Variants in KIRREL3 observed in about 807,000 individuals in gnomAD.
KIRREL3 encodes kin of IRRE-like protein 3.
Under a neutral mutation model 89.7 loss-of-function variants are expected in KIRREL3, and 36 were observed. That is an observed-to-expected ratio of 0.40 (90% CI 0.31 to 0.53). KIRREL3 has a LOEUF of 0.53. Ranked by LOEUF, KIRREL3 falls within the 20% of genes least tolerant of loss-of-function variation. The pLI, the probability that KIRREL3 is intolerant of heterozygous loss-of-function variation, is 0.49. For synonymous variants in KIRREL3, 445 were observed against 441.4 expected (o/e 1.01, Z -0.10); for missense variants, 864 against 1,056.6 (o/e 0.82, Z 2.53).
chr11:126,792,416 A>G (rs1348253450), intron 1 of KIRREL3, among the ~76,000 whole-genome samples: 4 of 152,222 alleles, frequency 2.6e-5, no homozygotes, highest in Non-Finnish European at 4.4e-5. Flanking sequence ...GCCCCAAGTC[A>G]CACAACTTGC....
Position 126,830,857 on chromosome 11 carries a change from G to C in KIRREL3, c.55+169598C>G, listed in dbSNP as rs1943580803. 6.6e-6 allele frequency among the ~76,000 whole-genome samples: 1 copy of C among 152,118 alleles called. No homozygotes were observed. Among genetic ancestry groups the C allele is most frequent in the Admixed American group, 6.5e-5 (1 of 15,278 alleles). ...TTGTAACCCCTGTTCCTTTATTAGA[G>C]CAATCAGAAAAAAGATCACATAATT... On this transcript the variant is annotated intron_variant, in intron 1 of 16. Coordinates refer to ENST00000525144, the MANE Select transcript of KIRREL3 (RefSeq NM_032531.4). The surrounding 1 kb of genome is among the most constrained non-coding windows in gnomAD (Gnocchi z 4.9).
Position 126,640,700 on chromosome 11 carries a change from C to G in KIRREL3, c.56-77788G>C, listed in dbSNP as rs1323338654. ...GGGTTCTTTCTGAATCTGGAATGAA[C>G]CATGGGACCCTTGGGTTGAAGACTA... On this transcript the variant is annotated intron_variant, in intron 1 of 16. Coordinates refer to ENST00000525144, the MANE Select transcript of KIRREL3 (RefSeq NM_032531.4). The surrounding 1 kb of genome is among the most constrained non-coding windows in gnomAD (Gnocchi z 4.9). 6.6e-6 allele frequency among the ~76,000 whole-genome samples: 1 copy of G among 152,130 alleles called. No individual in the cohort carries two copies. Among genetic ancestry groups the G allele is most frequent in the Non-Finnish European group, 1.5e-5 (1 of 68,024 alleles).
chr11:126,494,025 T>C (rs561763486), intron 4 of KIRREL3, among the ~76,000 whole-genome samples: 11 of 152,232 alleles, frequency 7.2e-5, no homozygotes, highest in African/African-American at 2.6e-4. Context: ...ATAAATAATA[T>C]CTTAATGCAA....
rs1310613831 is a variant in KIRREL3 at position 126,736,778 on chromosome 11, G to C, written c.56-173866C>G. Reference sequence around the variant, plus strand: ...ATAAGAAAACCCGGGTGTGGGTAAGGTTAAAGGTCATGCTAATGTCCATGG... The same window carrying C: ...ATAAGAAAACCCGGGTGTGGGTAAGCTTAAAGGTCATGCTAATGTCCATGG... On this transcript the variant is annotated intron_variant, in intron 1 of 16. Coordinates refer to ENST00000525144, the MANE Select transcript of KIRREL3 (RefSeq NM_032531.4). This position sits in a 1 kb window ranked among gnomAD's most constrained non-coding sequence, Gnocchi z 5.0. Among the ~76,000 whole-genome samples, 1 of 152,140 alleles carries C rather than the reference G, an allele frequency of 6.6e-6. No homozygotes were observed. The highest frequency in any genetic ancestry group is 6.5e-5 in the Admixed American group (1 of 15,272).
chr11:126,436,917 G>A lies in KIRREL3; in HGVS notation c.1446C>T (p.Thr482=). ...CCCGCACGATGTTGCTGATGGTCAGGGTGGAGATGACGCCCTCCTCGGTGC... is the reference window on the plus strand; with the variant it reads ...CCCGCACGATGTTGCTGATGGTCAGAGTGGAGATGACGCCCTCCTCGGTGC... ...TISTEEGVIS[T]LTISNIVRAD... The change falls in exon 12 of 17, where the codon ACC becomes ACT. Residue 482 remains threonine, a synonymous_variant. Transcript: ENST00000525144. The A allele has an allele frequency of 6.2e-7, 1 of 1,613,354 alleles. No homozygotes were observed. The highest frequency in any genetic ancestry group is 8.5e-7 in the Non-Finnish European group (1 of 1,179,738).
chr11:126,539,741 T>A (rs1202238496), intron 2 of KIRREL3, among the ~76,000 whole-genome samples: 2 of 152,176 alleles, frequency 1.3e-5, no homozygotes, highest in African/African-American at 4.8e-5. Flanking sequence ...GGTGATGCTG[T>A]CCCAGATGTA....
intron 2 of KIRREL3, among the ~76,000 whole-genome samples, chr11:126,545,056 T>C (rs140880745): frequency 6.6e-6 from 1 of 152,356 alleles, no homozygotes; most frequent in Non-Finnish European, 1.5e-5. Flanking sequence ...ATCTGCTTCA[T>C]ATTTGTGCTT....
At chr11:126,714,750 C>T (rs975746133) in intron 1 of KIRREL3, among the ~76,000 whole-genome samples, 8 of 152,286 alleles carry the variant, frequency 5.3e-5, no homozygotes, top group African/African-American at 1.9e-4. Context: ...TTCCTCCCTC[C>T]CCTACCAGGG....
intron 1 of KIRREL3, among the ~76,000 whole-genome samples, chr11:126,964,700 A>G (rs1413902387): frequency 6.6e-6 from 1 of 152,196 alleles, no homozygotes; most frequent in Non-Finnish European, 1.5e-5. Context: ...CGAAGGCAGC[A>G]CAGATGAAGA....
In KIRREL3 at chr11:126,424,702, C is replaced by T; in HGVS notation, c.2215G>A (p.Gly739Ser). 6.2e-7 allele frequency: 1 copy of T among 1,614,048 alleles called. No individual in the cohort carries two copies. The highest frequency in any genetic ancestry group is 1.7e-5 in the Admixed American group (1 of 60,032). ...SSVSSSGKQD[G>S]YVQFDKASKA... ...CTGGCCTTGTCGAACTGCACATAGC[C>T]ATCCTGCTTGCCGCTGCTGCTGACG... Residue 739 changes from glycine to serine, a missense_variant, in exon 17 of 17, where the codon GGC (glycine) becomes AGC (serine). Gly to Ser is a moderately conservative substitution (Grantham distance 56). Transcript: ENST00000525144.
chr11:126,684,779 C>T lies in KIRREL3; in HGVS notation c.56-121867G>A, dbSNP rs1420759164. Among the ~76,000 whole-genome samples, 1 of 152,156 alleles carries T rather than the reference C, an allele frequency of 6.6e-6. No homozygotes were observed. The highest frequency in any genetic ancestry group is 2.4e-5 in the African/African-American group (1 of 41,432). ...TTGGTATTCATTAGTCATTTAACAC[C>T]TCTAAAGAAAGGAAAGGTGCGGCAG... On this transcript the variant is annotated intron_variant, in intron 1 of 16. Transcript: ENST00000525144. The surrounding 1 kb of genome is among the most constrained non-coding windows in gnomAD (Gnocchi z 4.2).
chr11:126,590,191 G>A (rs561836585), intron 1 of KIRREL3, among the ~76,000 whole-genome samples: 144 of 152,230 alleles, frequency 9.5e-4, no homozygotes, highest in African/African-American at 3.3e-3. Context: ...TTGGTTATTC[G>A]TTTTGTTAAT....
chr11:126,937,328 G>T (rs534186822), intron 1 of KIRREL3, among the ~76,000 whole-genome samples: 1 of 152,252 alleles, frequency 6.6e-6, no homozygotes, highest in East Asian at 1.9e-4. Context: ...TTTGTACAAG[G>T]GCTTGGATAG....
intron 1 of KIRREL3, among the ~76,000 whole-genome samples, chr11:126,895,049 C>T (rs943872974): frequency 4.6e-5 from 7 of 152,098 alleles, no homozygotes; most frequent in South Asian, 2.1e-4. Context: ...TAGGAAAGAC[C>T]GGGCTTTAAA....
chr11:126,476,155 G>A lies in KIRREL3; in HGVS notation c.434-2689C>T, dbSNP rs1367083285. Among the ~76,000 whole-genome samples, 1 of 152,202 alleles carries A rather than the reference G, an allele frequency of 6.6e-6. No homozygotes were observed. The highest frequency in any genetic ancestry group is 1.5e-5 in the Non-Finnish European group (1 of 68,032). On this transcript the variant is annotated intron_variant, in intron 4 of 16. Coordinates refer to ENST00000525144, the MANE Select transcript of KIRREL3 (RefSeq NM_032531.4). This position sits in a 1 kb window ranked among gnomAD's most constrained non-coding sequence, Gnocchi z 6.4. Reference sequence around the variant, plus strand: ...CAGCACGGACATTTACTGGGCCTTGGACAGGGGTTTGAAGCCTTGACTGCA... The same window carrying A: ...CAGCACGGACATTTACTGGGCCTTGAACAGGGGTTTGAAGCCTTGACTGCA...
chr11:126,566,421 C>A lies in KIRREL3; in HGVS notation c.56-3509G>T, dbSNP rs1462919407. On this transcript the variant is annotated intron_variant, in intron 1 of 16. Coordinates refer to ENST00000525144, the MANE Select transcript of KIRREL3 (RefSeq NM_032531.4). The surrounding 1 kb of genome is among the most constrained non-coding windows in gnomAD (Gnocchi z 4.9). Reference sequence around the variant, plus strand: ...TGAGCCCGTAGGACCAAGCACAGTGCCTGACACATGGTAAGTGCTCAGGAA... The same window carrying A: ...TGAGCCCGTAGGACCAAGCACAGTGACTGACACATGGTAAGTGCTCAGGAA... Among the ~76,000 whole-genome samples, 1 of 152,164 alleles carries A rather than the reference C, an allele frequency of 6.6e-6. No homozygotes were observed. The highest frequency in any genetic ancestry group is 1.9e-4 in the East Asian group (1 of 5,192).
intron 1 of KIRREL3, among the ~76,000 whole-genome samples, chr11:126,858,000 T>C (rs1944586172): frequency 6.6e-6 from 1 of 152,056 alleles, no homozygotes; most frequent in Non-Finnish European, 1.5e-5. Context: ...AAAGAAGTAA[T>C]GGGCTTACCA....
rs1040974467 is a variant in KIRREL3, at chr11:126,432,650, G to T, written c.1589-1124C>A. On this transcript the variant is annotated intron_variant, in intron 13 of 16. Coordinates refer to ENST00000525144, the MANE Select transcript of KIRREL3 (RefSeq NM_032531.4). This position sits in a 1 kb window ranked among gnomAD's most constrained non-coding sequence, Gnocchi z 6.2. ...GAGATCCCCCACATCTCATGTGCTC[G>T]GTACCGCCCAGACTGCTGCTGCTCC... Among the ~76,000 whole-genome samples, 1 of 151,700 alleles carries T rather than the reference G, an allele frequency of 6.6e-6. No individual in the cohort carries two copies. Among genetic ancestry groups the T allele is most frequent in the East Asian group, 1.9e-4 (1 of 5,146 alleles).
rs1035588171 is a variant in KIRREL3, at chr11:126,489,899, G to A, written c.434-16433C>T. On this transcript the variant is annotated intron_variant, in intron 4 of 16. Coordinates refer to ENST00000525144, the MANE Select transcript of KIRREL3 (RefSeq NM_032531.4). This position sits in a 1 kb window ranked among gnomAD's most constrained non-coding sequence, Gnocchi z 5.5. Reference sequence around the variant, plus strand: ...GCAGTGGGTGCGCTGGGATCAGTCCGGGTTAAAATACGTGGGTCTCAGCTC... The same window carrying A: ...GCAGTGGGTGCGCTGGGATCAGTCCAGGTTAAAATACGTGGGTCTCAGCTC... Among the ~76,000 whole-genome samples the A allele has an allele frequency of 1.2e-4, 18 of 152,140 alleles. No individual in the cohort carries two copies. The highest frequency in any genetic ancestry group is 3.9e-4 in the African/African-American group (16 of 41,438).
Sources: allele counts gnomAD v4.1 joint callset (sites outside exome capture counted in the v4.1 genomes callset), GRCh38; gene constraint gnomAD v4.1.1; non-coding constraint Gnocchi (gnomAD v3.1); transcripts MANE v1.5; gene names NCBI Gene and HGNC (gene_info 2026-07-23, HGNC 2026-07-21).